The following CERS6 variants were observed in gnomAD, a reference collection of about 807,000 sequenced individuals.
The protein encoded by CERS6 is LAG1 homolog, ceramide synthase 6.
CERS6 carries 26 observed loss-of-function variants against 56.8 expected under a neutral mutation model. That is an observed-to-expected ratio of 0.46 (90% confidence interval 0.34 to 0.63). The LOEUF is 0.63. CERS6 is among the 30% of genes least tolerant of loss of function. The pLI is 0.01. For missense variants in CERS6, 415 were observed against 467.5 expected, an observed-to-expected ratio of 0.89 and a Z score of 1.04; for synonymous variants, 164 against 173.3, an observed-to-expected ratio of 0.95 and a Z score of 0.42.
intron 1 of CERS6, among the ~76,000 whole-genome samples, chr2:168,507,941 TA>T (rs1470154971): frequency 1.5e-4 from 23 of 152,348 alleles, no homozygotes; most frequent in Admixed American, 1.4e-3. Flanking sequence ...TAGGTAATAG[TA>T]TATTTAACAC....
chr2:168,541,904 C>G (rs1574053776), intron 1 of CERS6, among the ~76,000 whole-genome samples: 1 of 152,136 alleles, frequency 6.6e-6, no homozygotes, highest in African/African-American at 2.4e-5. Context: ...TTTCCCCAGG[C>G]TTTTTTCCCT....
chr2:168,736,463 C>T (rs1267364136), intron 8 of CERS6, among the ~76,000 whole-genome samples: 1 of 151,822 alleles, frequency 6.6e-6, no homozygotes, highest in Non-Finnish European at 1.5e-5. Flanking sequence ...AGCACGGGCA[C>T]TACAGGCGTG....
intron 1 of CERS6, among the ~76,000 whole-genome samples, chr2:168,538,292 G>A (rs549924897): frequency 1.3e-5 from 2 of 150,850 alleles, no homozygotes; most frequent in Non-Finnish European, 2.9e-5. Flanking sequence ...CACTGTGTGT[G>A]GCTGCCTGCT....
chr2:168,609,752 C>T lies in CERS6; in HGVS notation c.408-21233C>T, dbSNP rs2105271842. 2.6e-5 allele frequency among the ~76,000 whole-genome samples: 4 copies of T among 152,254 alleles called. 1 individual carries two copies. In the South Asian group the frequency reaches 8.3e-4, roughly 32 times the overall value. Reference sequence around the variant, plus strand: ...TTTGAGGTTTGTATTCTGCCTTGTTCTCTTCGGCCTCTCTACTCAACCACT... The same window carrying T: ...TTTGAGGTTTGTATTCTGCCTTGTTTTCTTCGGCCTCTCTACTCAACCACT... On this transcript the variant is annotated intron_variant, in intron 3 of 9. Coordinates refer to ENST00000305747, the MANE Select transcript of CERS6 (RefSeq NM_203463.3).
chr2:168,534,412 T>C (rs989496698), intron 1 of CERS6, among the ~76,000 whole-genome samples: 40 of 151,880 alleles, frequency 2.6e-4, no homozygotes, highest in African/African-American at 9.2e-4. Context: ...TGGGGCTTTT[T>C]TTTTTTTTTA....
At chr2:168,725,218 A>G (rs1224361851) in intron 8 of CERS6, among the ~76,000 whole-genome samples, 2 of 152,144 alleles carry the variant, frequency 1.3e-5, no homozygotes, top group Non-Finnish European at 2.9e-5. Context: ...GCCCACGCCC[A>G]CCCGGAACTC....
intron 1 of CERS6, among the ~76,000 whole-genome samples, chr2:168,484,570 C>T (rs1446855903): frequency 6.6e-6 from 1 of 152,076 alleles, no homozygotes; most frequent in Non-Finnish European, 1.5e-5. Context: ...TTCATAGACA[C>T]ATAATCATTA....
chr2:168,600,901 A>G (rs1683918857), intron 3 of CERS6, among the ~76,000 whole-genome samples: 1 of 152,208 alleles, frequency 6.6e-6, no homozygotes, highest in Non-Finnish European at 1.5e-5. Flanking sequence ...TATTGAGCAA[A>G]GTTAACCACC....
intron 1 of CERS6, among the ~76,000 whole-genome samples, chr2:168,502,118 A>G (rs1342217604): frequency 3.3e-5 from 5 of 152,184 alleles, no homozygotes; most frequent in Non-Finnish European, 5.9e-5. Context: ...TACCTGAGAC[A>G]CGACACTTGG....
intron 2 of CERS6, among the ~76,000 whole-genome samples, chr2:168,549,530 G>A (rs1246478211): frequency 6.6e-6 from 1 of 152,204 alleles, no homozygotes; most frequent in African/African-American, 2.4e-5. Context: ...AGCTACTCGG[G>A]AGGCTGAGGC....
chr2:168,727,217 T>C (rs1346422535), intron 8 of CERS6, among the ~76,000 whole-genome samples: 1 of 151,886 alleles, frequency 6.6e-6, no homozygotes, highest in Non-Finnish European at 1.5e-5. Context: ...AGGGGAATTA[T>C]CTGTGGATTT....
chr2:168,763,240 C>CTTTTT (rs756952701), intron 8 of CERS6, among the ~76,000 whole-genome samples: 10 of 105,886 alleles, frequency 9.4e-5, no homozygotes, highest in Admixed American at 2.3e-4. Context: ...CTCTCTCTCT[C>CTTTTT]TTTTTTTTTT....
intron 1 of CERS6, among the ~76,000 whole-genome samples, chr2:168,537,186 A>G (rs1695279659): frequency 6.6e-6 from 1 of 152,238 alleles, no homozygotes; most frequent in African/African-American, 2.4e-5. Flanking sequence ...AAGAAAGAGC[A>G]AAGTGTAAAG....
intron 1 of CERS6, among the ~76,000 whole-genome samples, chr2:168,466,154 T>G (rs573197818): frequency 5.6e-4 from 85 of 152,270 alleles, no homozygotes; most frequent in African/African-American, 1.9e-3. Flanking sequence ...GTATCCCGTT[T>G]TTTTAGAAGG....
intron 8 of CERS6, among the ~76,000 whole-genome samples, chr2:168,744,968 A>G (rs1684055294): frequency 6.6e-6 from 1 of 152,138 alleles, no homozygotes; most frequent in African/African-American, 2.4e-5. Context: ...ATCTCTGGAG[A>G]TATGTGGCAA....
At chr2:168,714,072 G>A (rs1040680608) in intron 6 of CERS6, among the ~76,000 whole-genome samples, 3 of 152,130 alleles carry the variant, frequency 2.0e-5, no homozygotes, top group African/African-American at 7.2e-5. Flanking sequence ...ATCTGATGAG[G>A]GCCCATTTCC....
In CERS6 at chr2:168,456,678, TCG is replaced by T. The variant is rs1693666797; in HGVS notation, c.170+66_170+67del. 6.8e-7 allele frequency: 1 copy of T among 1,469,098 alleles called. No individual in the cohort carries two copies. Among genetic ancestry groups the T allele is most frequent in the South Asian group, 1.2e-5 (1 of 83,628 alleles). 91.0% of individuals were successfully genotyped at this position (1,469,098 alleles called of 1,614,324 possible). ...TGCGCACACACACGCGCGCACACACTCGCGCGCTCTCTGGCGCACGCCCCCGC... is the reference window on the plus strand; with the variant it reads ...TGCGCACACACACGCGCGCACACACTCGCGCTCTCTGGCGCACGCCCCCGC... On this transcript the variant is annotated intron_variant, in intron 1 of 9. Transcript: ENST00000305747. The surrounding 1 kb of genome is among the most constrained non-coding windows in gnomAD (Gnocchi z 4.1).
At chr2:168,743,918 A>G (rs963298779) in intron 8 of CERS6, among the ~76,000 whole-genome samples, 13 of 135,298 alleles carry the variant, frequency 9.6e-5, no homozygotes, top group Non-Finnish European at 1.7e-4. Flanking sequence ...ATTCTGTCCC[A>G]CCCCACCCCC....
intron 1 of CERS6, among the ~76,000 whole-genome samples, chr2:168,460,177 G>A (rs532269600): frequency 1.2e-4 from 18 of 152,058 alleles, no homozygotes; most frequent in Non-Finnish European, 2.5e-4. Flanking sequence ...ACTTTGAAGC[G>A]GCTGAATGTC....
Sources: allele counts gnomAD v4.1 joint callset (sites outside exome capture counted in the v4.1 genomes callset), GRCh38; gene constraint gnomAD v4.1.1; non-coding constraint Gnocchi (gnomAD v3.1); transcripts MANE v1.5; gene names NCBI Gene and HGNC (gene_info 2026-07-23, HGNC 2026-07-21).